The following SBF2 variants were observed in gnomAD, a reference collection of about 807,000 sequenced individuals.
SBF2 encodes the protein SET binding factor 2.
A neutral mutation model predicts 225.2 loss-of-function variants in SBF2; 112 were observed. That is an observed-to-expected ratio of 0.50 (90% CI 0.43 to 0.58). The LOEUF (loss-of-function observed/expected upper bound fraction) is 0.58, where lower values mean the gene tolerates loss of function less well. SBF2 is among the 20% of genes least tolerant of loss of function. The pLI is 0.00. For synonymous variants in SBF2, 763 were observed against 773.3 expected (o/e 0.99, Z 0.22); for missense variants, 1,996 against 2,206.2 (o/e 0.90, Z 1.91).
chr11:9,873,894 C>G (rs1256586101), intron 17 of SBF2, among the ~76,000 whole-genome samples: 1 of 151,266 alleles, frequency 6.6e-6, no homozygotes, highest in Admixed American at 6.6e-5. Flanking sequence ...ACTAAAAATA[C>G]AAAAATTAGC....
chr11:9,943,327 T>C (rs1275996770), intron 16 of SBF2, among the ~76,000 whole-genome samples: 2 of 152,156 alleles, frequency 1.3e-5, no homozygotes, highest in East Asian at 3.8e-4. Flanking sequence ...TAGTGAAGGA[T>C]TTCTTACACA....
intron 32 of SBF2, among the ~76,000 whole-genome samples, chr11:9,803,174 G>C (rs935553194): frequency 1.3e-5 from 2 of 151,192 alleles, no homozygotes; most frequent in African/African-American, 4.9e-5. Context: ...TTTGATTTCA[G>C]AATCAACTGG....
At chr11:10,227,380 A>G (rs1264175372) in intron 1 of SBF2, among the ~76,000 whole-genome samples, 1 of 151,948 alleles carries the variant, frequency 6.6e-6, no homozygotes, top group African/African-American at 2.4e-5. Context: ...GGTGTTTTAG[A>G]CATGAAGTCC....
intron 16 of SBF2, among the ~76,000 whole-genome samples, chr11:9,932,363 G>A (rs1257254269): frequency 6.6e-6 from 1 of 152,208 alleles, no homozygotes; most frequent in Non-Finnish European, 1.5e-5. Context: ...AGGAAAAAAT[G>A]TTACGGGCAG....
At chr11:10,134,090 T>C (rs538781833) in intron 2 of SBF2, among the ~76,000 whole-genome samples, 2 of 152,302 alleles carry the variant, frequency 1.3e-5, no homozygotes, top group African/African-American at 4.8e-5. Context: ...TCCATGTGGC[T>C]GGGGAGGCCT....
At chr11:10,173,579 G>A (rs919981905) in intron 2 of SBF2, among the ~76,000 whole-genome samples, 5 of 152,296 alleles carry the variant, frequency 3.3e-5, no homozygotes, top group African/African-American at 4.8e-5. Flanking sequence ...CAGCGAGGCT[G>A]GGGGAGGGGC....
chr11:9,812,816 T>C (rs922892581), intron 29 of SBF2, 108 bp from the exon 30 acceptor site: 7 of 1,087,766 alleles, frequency 6.4e-6, no homozygotes, highest in Non-Finnish European at 9.6e-6. Flanking sequence ...GCCAAATAGC[T>C]GCAGAGGCTG....
At chr11:10,245,133 C>CAAAA (rs60827616) in intron 1 of SBF2, among the ~76,000 whole-genome samples, 31 of 92,396 alleles carry the variant, frequency 3.4e-4, no homozygotes, top group East Asian at 9.8e-4. Context: ...GACCCTGTCT[C>CAAAA]AAAAAAAAAA....
At chr11:9,878,065 C>G (rs1182118089) in intron 17 of SBF2, among the ~76,000 whole-genome samples, 1 of 152,088 alleles carries the variant, frequency 6.6e-6, no homozygotes, top group African/African-American at 2.4e-5. Flanking sequence ...TCTGTTGTTT[C>G]CTGACTTTTT....
intron 2 of SBF2, among the ~76,000 whole-genome samples, chr11:10,080,435 C>G (rs1388352370): frequency 6.6e-6 from 1 of 151,370 alleles, no homozygotes; most frequent in Admixed American, 6.6e-5. Context: ...TCCATCCTAA[C>G]AAAACACAAA....
At position 9,781,554 on chromosome 11, in the gene SBF2, G is replaced by A. The variant is rs778049462; in HGVS notation, c.5404C>T (p.Pro1802Ser). 6.2e-7 allele frequency: 1 copy of A among 1,614,166 alleles called. No individual in the cohort carries two copies. Among genetic ancestry groups the A allele is most frequent in the Non-Finnish European group, 8.5e-7 (1 of 1,180,006 alleles). ...GTGTGCTTTGGGGCTCCCATGCTGG[G>A]GCCAGCAGGGATGACCATTTCTACT... is the stretch of plus-strand genomic sequence containing the variant. ...AEVEMVIPAG[P>S]SMGAPKHTSD... The change falls in exon 39 of 40, where the codon CCC becomes TCC. Residue 1802 changes from proline to serine, a missense_variant. Pro to Ser is a moderately conservative substitution (Grantham distance 74). Transcript: ENST00000256190.
At chr11:10,060,601 C>A (rs1950404364) in intron 2 of SBF2, among the ~76,000 whole-genome samples, 1 of 152,154 alleles carries the variant, frequency 6.6e-6, no homozygotes, top group African/African-American at 2.4e-5. Flanking sequence ...CAGGCCAATA[C>A]CCTTGATGAA....
rs1036528595 is a variant in SBF2 at position 9,788,755 on chromosome 11, C to T, written c.4932+354G>A. On this transcript the variant is annotated intron_variant, in intron 35 of 39. Coordinates refer to ENST00000256190, the MANE Select transcript of SBF2 (RefSeq NM_030962.4). ...GACTACAGGCGCCCGCCACCACGCC[C>T]GGCTAATTTTTTTTTTTTTTTTGTA... Among the ~76,000 whole-genome samples the T allele has an allele frequency of 4.4e-5, 6 of 137,614 alleles. No homozygotes were observed. In the East Asian group the frequency reaches 8.5e-4, roughly 19 times the overall value. The allele number at this position is 137,614 out of a possible 152,430, so 90.3% of individuals were successfully genotyped here. A position where few individuals can be genotyped will look rare whatever the true frequency, so the allele number is the denominator to read the frequency against.
chr11:10,122,249 T>A (rs962000199), intron 2 of SBF2, among the ~76,000 whole-genome samples: 2 of 152,074 alleles, frequency 1.3e-5, no homozygotes, highest in Non-Finnish European at 2.9e-5. Context: ...ACAGCTACAG[T>A]GTATATAGTA....
At chr11:9,944,759 T>C (rs57663810) in intron 16 of SBF2, among the ~76,000 whole-genome samples, 2,192 of 152,298 alleles carry the variant, frequency 0.014, 57 homozygotes, top group African/African-American at 0.05. Context: ...TTCAATGCTA[T>C]TCCTATCAAA....
chr11:9,804,554 A>C (rs1189660006), intron 32 of SBF2, among the ~76,000 whole-genome samples: 1 of 152,224 alleles, frequency 6.6e-6, no homozygotes, highest in Non-Finnish European at 1.5e-5. Flanking sequence ...GATACAGAAC[A>C]GTTTCCTGAC....
At chr11:10,208,011 A>G (rs1382878111) in intron 1 of SBF2, among the ~76,000 whole-genome samples, 5 of 152,140 alleles carry the variant, frequency 3.3e-5, no homozygotes, top group African/African-American at 2.4e-5. Flanking sequence ...CATGGTTGAT[A>G]AACTAATCTA....
intron 2 of SBF2, among the ~76,000 whole-genome samples, chr11:10,062,238 T>A (rs930862520): frequency 4.6e-5 from 7 of 152,170 alleles, no homozygotes; most frequent in Non-Finnish European, 1.0e-4. Context: ...ATAAATACCC[T>A]GGAAGACAAC....
In SBF2 at chr11:9,852,675, C is replaced by G; in HGVS notation, c.2610+1G>C. 6.2e-7 allele frequency: 1 copy of G among 1,608,126 alleles called. No homozygotes were observed. Among genetic ancestry groups the G allele is most frequent in the Non-Finnish European group, 8.5e-7 (1 of 1,174,628 alleles). On this transcript the variant is annotated splice_donor_variant, in intron 21 of 39. Transcript: ENST00000256190. LOFTEE classifies it high-confidence loss of function. The stretch of plus-strand genomic sequence containing the variant: ...CCTGAAAGCATGTAGTCTGGAATTA[C>G]CTTCTGAATAGGCGGAAGTCTTCTG...
Sources: gnomAD v4.1 joint callset for allele counts (sites outside exome capture counted in the v4.1 genomes callset) on GRCh38, gnomAD v4.1.1 for gene constraint, MANE v1.5 for transcripts, NCBI Gene and HGNC (gene_info 2026-07-23, HGNC 2026-07-21) for gene names.